Variants in MAD1L1 observed in about 807,000 individuals in gnomAD.
The protein encoded by MAD1L1 is mitotic arrest deficient 1 like 1, also known as mitotic spindle assembly checkpoint protein MAD1.
A neutral mutation model predicts 96.9 loss-of-function variants in MAD1L1; 95 were observed. The observed-to-expected ratio is 0.98, with a 90% CI of 0.83 to 1.16. The LOEUF is 1.16. Among genes scored for constraint, MAD1L1 ranks in the 50% most tolerant of loss-of-function variants. The probability of loss-of-function intolerance (pLI) is 0.00; values close to 1 mark genes in which losing one functional copy is unlikely to be tolerated. For synonymous variants in MAD1L1, 473 were observed against 396.6 expected, an observed-to-expected ratio of 1.19 and a Z score of -2.29; for missense variants, 1,007 against 954.4, an observed-to-expected ratio of 1.06 and a Z score of -0.73.
chr7:2,173,429 G>A (rs1383580937), intron 10 of MAD1L1, among the ~76,000 whole-genome samples: 1 of 152,210 alleles, frequency 6.6e-6, no homozygotes, highest in African/African-American at 2.4e-5. Context: ...GGAAACCATG[G>A]TGACTTCCAA....
chr7:2,137,644 T>C (rs952976038), intron 11 of MAD1L1, among the ~76,000 whole-genome samples: 1 of 152,170 alleles, frequency 6.6e-6, no homozygotes, highest in African/African-American at 2.4e-5. Flanking sequence ...GCTTGTGCCA[T>C]GGCACTGCCT....
At chr7:2,174,456 T>C (rs115015697) in intron 10 of MAD1L1, among the ~76,000 whole-genome samples, 49 of 152,324 alleles carry the variant, frequency 3.2e-4, no homozygotes, top group African/African-American at 1.1e-3. Context: ...TGGTGGCTCC[T>C]TCAGTCTAGA....
At chr7:2,231,435 C>T (rs1366757109) in intron 1 of MAD1L1, among the ~76,000 whole-genome samples, 1 of 152,034 alleles carries the variant, frequency 6.6e-6, no homozygotes, top group Admixed American at 6.6e-5. Context: ...GCCTGGCCAA[C>T]ATGGTGAAAC....
chr7:2,061,528 A>G (rs1161367451), intron 12 of MAD1L1, among the ~76,000 whole-genome samples: 1 of 152,184 alleles, frequency 6.6e-6, no homozygotes, highest in Non-Finnish European at 1.5e-5. Flanking sequence ...CCCACCAGGG[A>G]GAAAACCAAA....
chr7:2,149,669 T>G (rs1789475427), intron 10 of MAD1L1, among the ~76,000 whole-genome samples: 1 of 152,172 alleles, frequency 6.6e-6, no homozygotes. Flanking sequence ...GTGTAGCGCT[T>G]TCTACTTTCC....
chr7:2,140,395 G>A (rs1022135823), intron 11 of MAD1L1, among the ~76,000 whole-genome samples: 8 of 152,224 alleles, frequency 5.3e-5, no homozygotes, highest in South Asian at 2.1e-4. Flanking sequence ...CCTCAGAATC[G>A]GAGAGTGCAC....
At position 1,998,942 on chromosome 7, in the gene MAD1L1, G is replaced by C. The variant is rs183003693; in HGVS notation, c.1416+3123C>G. Among the ~76,000 whole-genome samples, 58 of 146,202 alleles carry C rather than the reference G, an allele frequency of 4.0e-4. 1 individual carries two copies. In the East Asian group the frequency reaches 0.011, roughly 29 times the overall value. Reference sequence around the variant, plus strand: ...CAGTCCACAGACCCCACAGTCCACAGAGTCCCCTAACCCCACTCACTGCTG... The same window carrying C: ...CAGTCCACAGACCCCACAGTCCACACAGTCCCCTAACCCCACTCACTGCTG... On this transcript the variant is annotated intron_variant, in intron 14 of 18. Transcript: ENST00000265854.
intron 10 of MAD1L1, among the ~76,000 whole-genome samples, chr7:2,156,107 C>T (rs1050919482): frequency 6.6e-6 from 1 of 152,076 alleles, no homozygotes; most frequent in African/African-American, 2.4e-5. Context: ...GGTTTCACGG[C>T]GCGTGTGGCG....
chr7:2,081,676 C>T (rs73032312), intron 11 of MAD1L1, among the ~76,000 whole-genome samples: 4,117 of 152,362 alleles, frequency 0.027, 95 homozygotes, highest in South Asian at 0.089. Flanking sequence ...AGGGGTCCGC[C>T]GTCACTGTTC....
At chr7:2,132,714 A>G (rs1422960196) in intron 11 of MAD1L1, among the ~76,000 whole-genome samples, 5 of 152,230 alleles carry the variant, frequency 3.3e-5, no homozygotes, top group African/African-American at 1.2e-4. Flanking sequence ...GTCTTTTCAC[A>G]GCTTGGTAGC....
At chr7:2,105,494 A>G (rs1787041938) in intron 11 of MAD1L1, among the ~76,000 whole-genome samples, 1 of 152,112 alleles carries the variant, frequency 6.6e-6, no homozygotes, top group Non-Finnish European at 1.5e-5. Context: ...AGCGTGGATC[A>G]TCACCCGAGG....
At chr7:2,186,927 G>A (rs1791488161) in intron 10 of MAD1L1, among the ~76,000 whole-genome samples, 1 of 151,830 alleles carries the variant, frequency 6.6e-6, no homozygotes, top group African/African-American at 2.4e-5. Context: ...CCCAGTAGCT[G>A]GGATTACAGG....
intron 17 of MAD1L1, among the ~76,000 whole-genome samples, chr7:1,904,903 T>C (rs540694717): frequency 0.15 from 10,503 of 70,730 alleles, 2,330 homozygotes; most frequent in East Asian, 0.23. Context: ...GCAGCAAGGA[T>C]GCAGTCGCCT....
At chr7:1,955,986 G>T (rs561646564) in intron 16 of MAD1L1, among the ~76,000 whole-genome samples, 242 of 140,368 alleles carry the variant, frequency 1.7e-3, no homozygotes, top group African/African-American at 5.6e-3. Flanking sequence ...TAAGGTGGGT[G>T]GGGGGGTGGG....
intron 16 of MAD1L1, among the ~76,000 whole-genome samples, chr7:1,941,301 C>G (rs1035557952): frequency 6.6e-6 from 1 of 152,136 alleles, no homozygotes; most frequent in Non-Finnish European, 1.5e-5. Flanking sequence ...CCCCAGCCCC[C>G]AGCCAGGGTG....
At chr7:1,998,075 T>C (rs1781637332) in intron 14 of MAD1L1, among the ~76,000 whole-genome samples, 1 of 152,042 alleles carries the variant, frequency 6.6e-6, no homozygotes, top group South Asian at 2.1e-4. Flanking sequence ...TTATATGGGC[T>C]AAAAAAGAGA....
At chr7:2,099,857 T>A (rs1786688926) in intron 11 of MAD1L1, among the ~76,000 whole-genome samples, 1 of 152,140 alleles carries the variant, frequency 6.6e-6, no homozygotes, top group South Asian at 2.1e-4. Flanking sequence ...AGGAGTCACC[T>A]CCCACCAGCC....
intron 12 of MAD1L1, among the ~76,000 whole-genome samples, chr7:2,067,442 A>G (rs1259715092): frequency 1.3e-5 from 2 of 151,866 alleles, no homozygotes; most frequent in Non-Finnish European, 2.9e-5. Flanking sequence ...AGCTTCCAGC[A>G]TCACGGGACC....
intron 14 of MAD1L1, among the ~76,000 whole-genome samples, chr7:1,989,278 C>A (rs1213389664): frequency 6.6e-6 from 1 of 152,234 alleles, no homozygotes; most frequent in African/African-American, 2.4e-5. Context: ...AAAATGGCGG[C>A]ACCACTGTCA....
Sources: allele counts gnomAD v4.1 joint callset (sites outside exome capture counted in the v4.1 genomes callset), GRCh38; gene constraint gnomAD v4.1.1; transcripts MANE v1.5; gene names NCBI Gene and HGNC (gene_info 2026-07-23, HGNC 2026-07-21).